SDCCAG8: variants seen among roughly 807,000 people sequenced by gnomAD.
SDCCAG8 encodes the protein serologically defined colon cancer antigen 8.
SDCCAG8 carries 74 observed loss-of-function variants against 101.8 expected under a neutral mutation model. That is an observed-to-expected ratio of 0.73 (90% CI 0.60 to 0.88). The LOEUF (loss-of-function observed/expected upper bound fraction) is 0.88, where lower values mean the gene tolerates loss of function less well. SDCCAG8 is among the 40% of genes least tolerant of loss of function. The pLI is 0.00. For synonymous variants in SDCCAG8, 281 were observed against 292.9 expected, an observed-to-expected ratio of 0.96 and a Z score of 0.41; for missense variants, 787 against 822.6, an observed-to-expected ratio of 0.96 and a Z score of 0.53.
At position 243,320,441 on chromosome 1, in the gene SDCCAG8, G is replaced by T. The variant is rs544494616; in HGVS notation, c.1068+3548G>T. Reference sequence around the variant, plus strand: ...CTCCACATTCTTTCCCATGCCCGTGGTCTGTCCTAATGTGGCTCCCTTTTG... The same window carrying T: ...CTCCACATTCTTTCCCATGCCCGTGTTCTGTCCTAATGTGGCTCCCTTTTG... On this transcript the variant is annotated intron_variant, in intron 9 of 17. Coordinates refer to ENST00000366541, the MANE Select transcript of SDCCAG8 (RefSeq NM_006642.5). Among the ~76,000 whole-genome samples, 18 of 152,240 alleles carry T rather than the reference G, an allele frequency of 1.2e-4. 1 individual carries two copies. In the South Asian group the frequency reaches 3.1e-3, roughly 26 times the overall value.
At position 243,330,523 on chromosome 1, in the gene SDCCAG8, C is replaced by G. The variant is rs1394785262; in HGVS notation, c.1069-17C>G. ...CCAAATTCTAACCTCCTCTTTCAAT[C>G]TGTTCTATCCTGGCAGGCTTTAATC... On this transcript the variant is annotated splice_polypyrimidine_tract_variant and intron_variant, in intron 9 of 17. Transcript: ENST00000366541. The G allele has an allele frequency of 6.2e-7, 1 of 1,613,730 alleles. No homozygotes were observed. The highest frequency in any genetic ancestry group is 1.7e-5 in the Admixed American group (1 of 59,994).
At chr1:243,294,679 A>C (rs1343384854) in intron 6 of SDCCAG8, among the ~76,000 whole-genome samples, 1 of 131,994 alleles carries the variant, frequency 7.6e-6, no homozygotes, top group Non-Finnish European at 1.6e-5. Flanking sequence ...TCCTAGGCAT[A>C]CTGTGACTTT....
intron 11 of SDCCAG8, among the ~76,000 whole-genome samples, chr1:243,341,897 A>T (rs918573720): frequency 6.6e-6 from 1 of 152,238 alleles, no homozygotes; most frequent in African/African-American, 2.4e-5. Context: ...CACTAAAAAC[A>T]CAGATAATTT....
chr1:243,305,081 C>T (rs771860998), intron 7 of SDCCAG8: 74 of 303,800 alleles, frequency 2.4e-4, no homozygotes, highest in Non-Finnish European at 3.6e-4. Context: ...CTGAAGCGGG[C>T]GAATCACGAG....
chr1:243,384,470 CTT>C (rs2078148673), intron 13 of SDCCAG8, among the ~76,000 whole-genome samples: 1 of 152,012 alleles, frequency 6.6e-6, no homozygotes, highest in Non-Finnish European at 1.5e-5. Context: ...AAATTTTTAA[CTT>C]TGTGTAAATA....
intron 13 of SDCCAG8, among the ~76,000 whole-genome samples, chr1:243,380,131 A>G (rs914336390): frequency 1.3e-5 from 2 of 152,234 alleles, no homozygotes; most frequent in African/African-American, 4.8e-5. Context: ...TTATTAATAC[A>G]TGTCTGGTAT....
In SDCCAG8 at chr1:243,304,696, A is replaced by G. The variant is rs2071905217; in HGVS notation, c.676-17A>G. ...AGGACATAGAGAAAAATGTACTTCT[A>G]TTTTTCTTTTCTATAGGAGAAGCTA... On this transcript the variant is annotated splice_polypyrimidine_tract_variant and intron_variant, in intron 6 of 17. Coordinates refer to ENST00000366541, the MANE Select transcript of SDCCAG8 (RefSeq NM_006642.5). The G allele has an allele frequency of 1.4e-6, 2 of 1,384,354 alleles. No homozygotes were observed. The highest frequency in any genetic ancestry group is 2.1e-6 in the Non-Finnish European group (2 of 971,956). The allele number at this position is 1,384,354 out of a possible 1,614,324, so 85.8% of individuals were successfully genotyped here.
intron 13 of SDCCAG8, among the ~76,000 whole-genome samples, chr1:243,395,651 C>G (rs2078990294): frequency 6.6e-6 from 1 of 152,108 alleles, no homozygotes; most frequent in Non-Finnish European, 1.5e-5. Context: ...TGTCTCAGTA[C>G]TTAGATTTTA....
intron 15 of SDCCAG8, among the ~76,000 whole-genome samples, chr1:243,421,843 G>A (rs2081030058): frequency 6.6e-6 from 1 of 152,190 alleles, no homozygotes; most frequent in African/African-American, 2.4e-5. Flanking sequence ...GTTTTTTGAA[G>A]GAGGTAAACG....
chr1:243,351,297 A>C (rs141738293), intron 12 of SDCCAG8, among the ~76,000 whole-genome samples: 17 of 152,326 alleles, frequency 1.1e-4, no homozygotes, highest in African/African-American at 3.4e-4. Flanking sequence ...CTACGAAGAC[A>C]ACAGCAGTTC....
At chr1:243,461,418 G>C (rs1659086512) in intron 16 of SDCCAG8, among the ~76,000 whole-genome samples, 1 of 152,168 alleles carries the variant, frequency 6.6e-6, no homozygotes. Flanking sequence ...CATGAATTCT[G>C]TTTGGGGAGA....
intron 12 of SDCCAG8, among the ~76,000 whole-genome samples, chr1:243,366,374 C>T (rs1200462528): frequency 6.6e-6 from 1 of 151,878 alleles, no homozygotes; most frequent in Non-Finnish European, 1.5e-5. Context: ...GGTGCAGGAG[C>T]TACACCACTG....
chr1:243,382,466 C>T (rs540525906), intron 13 of SDCCAG8, among the ~76,000 whole-genome samples: 1 of 152,260 alleles, frequency 6.6e-6, no homozygotes, highest in East Asian at 1.9e-4. Context: ...GATTATACAT[C>T]TATAAATAAA....
At position 243,474,600 on chromosome 1, in the gene SDCCAG8, C is replaced by A. The variant is rs1320607377; in HGVS notation, c.1986-14414C>A. 6.6e-6 allele frequency among the ~76,000 whole-genome samples: 1 copy of A among 152,260 alleles called. No homozygotes were observed. The highest frequency in any genetic ancestry group is 6.5e-5 in the Admixed American group (1 of 15,290). On this transcript the variant is annotated intron_variant, in intron 16 of 17. Coordinates refer to ENST00000366541, the MANE Select transcript of SDCCAG8 (RefSeq NM_006642.5). This position sits in a 1 kb window ranked among gnomAD's most constrained non-coding sequence, Gnocchi z 4.7. ...GGCGAGGGAGAGGGGTGTCTCCTGCCTGGAGCGCTCCGCGGTGGCCCGAGA... is the reference window on the plus strand; with the variant it reads ...GGCGAGGGAGAGGGGTGTCTCCTGCATGGAGCGCTCCGCGGTGGCCCGAGA...
intron 12 of SDCCAG8, among the ~76,000 whole-genome samples, chr1:243,348,037 CTT>C (rs1181379015): frequency 9.7e-6 from 1 of 103,378 alleles, no homozygotes; most frequent in Admixed American, 1.0e-4. Context: ...TTTTTTTTTT[CTT>C]TTTTTTTTTT....
chr1:243,493,477 G>C (rs1414558057), intron 17 of SDCCAG8, among the ~76,000 whole-genome samples: 1 of 152,140 alleles, frequency 6.6e-6, no homozygotes, highest in Non-Finnish European at 1.5e-5. Context: ...TTCTGTGTCT[G>C]CTTTCTTATT....
chr1:243,452,716 C>T (rs913639350), intron 16 of SDCCAG8, among the ~76,000 whole-genome samples: 1 of 152,102 alleles, frequency 6.6e-6, no homozygotes, highest in African/African-American at 2.4e-5. Context: ...TGTGAACCAC[C>T]GTGCCCAGCC....
intron 9 of SDCCAG8, among the ~76,000 whole-genome samples, chr1:243,328,419 C>T (rs746783525): frequency 1.3e-5 from 2 of 152,116 alleles, no homozygotes; most frequent in Non-Finnish European, 2.9e-5. Context: ...GCTGGGATTA[C>T]AGGCACGCAC....
intron 12 of SDCCAG8, among the ~76,000 whole-genome samples, chr1:243,354,041 G>C (rs768659201): frequency 3.3e-4 from 50 of 152,066 alleles, no homozygotes; most frequent in Non-Finnish European, 5.1e-4. Flanking sequence ...GATCATACAG[G>C]GTACTACTTT....
Sources: allele counts gnomAD v4.1 joint callset (sites outside exome capture counted in the v4.1 genomes callset), GRCh38; gene constraint gnomAD v4.1.1; non-coding constraint Gnocchi (gnomAD v3.1); transcripts MANE v1.5; gene names NCBI Gene and HGNC (gene_info 2026-07-23, HGNC 2026-07-21).